GRID2: variants seen among roughly 807,000 people sequenced by gnomAD.
GRID2 encodes the protein glutamate receptor ionotropic, delta-2.
GRID2 carries 33 observed loss-of-function variants against 114.8 expected under a neutral mutation model. The ratio of observed to expected loss-of-function variants is 0.29; its 90% CI spans 0.22 to 0.38. The LOEUF (loss-of-function observed/expected upper bound fraction) is 0.38, where lower values mean the gene tolerates loss of function less well. GRID2 is among the 10% of genes least tolerant of loss of function. GRID2 has a pLI of 1.00. For synonymous variants in GRID2, 505 were observed against 449.9 expected, an observed-to-expected ratio of 1.12 and a Z score of -1.55; for missense variants, 1,184 against 1,257.7, an observed-to-expected ratio of 0.94 and a Z score of 0.89.
chr4:92,567,203 A>G (rs969391314), intron 1 of GRID2, among the ~76,000 whole-genome samples: 2 of 152,006 alleles, frequency 1.3e-5, no homozygotes, highest in Non-Finnish European at 2.9e-5. Flanking sequence ...GACATTAGCA[A>G]GCTTTCTAAT....
chr4:92,974,168 A>G (rs1333623224), intron 2 of GRID2, among the ~76,000 whole-genome samples: 3 of 152,212 alleles, frequency 2.0e-5, no homozygotes, highest in Admixed American at 2.0e-4. Flanking sequence ...AATGGCGATC[A>G]TTAAGAAGTC....
intron 13 of GRID2, among the ~76,000 whole-genome samples, chr4:93,596,972 G>A (rs1739172448): frequency 6.6e-6 from 1 of 152,140 alleles, no homozygotes; most frequent in Non-Finnish European, 1.5e-5. Flanking sequence ...ATGTTCAAGT[G>A]TATGATTTGA....
intron 2 of GRID2, among the ~76,000 whole-genome samples, chr4:92,609,628 T>C (rs1356395832): frequency 7.3e-6 from 1 of 136,334 alleles, no homozygotes; most frequent in East Asian, 2.4e-4. Flanking sequence ...ATATATATTA[T>C]ATATATATAA....
intron 2 of GRID2, among the ~76,000 whole-genome samples, chr4:92,634,837 G>A (rs900633488): frequency 1.8e-4 from 25 of 139,720 alleles, no homozygotes; most frequent in African/African-American, 2.7e-4. Context: ...ATTTTAATTC[G>A]CATGCATTCG....
At chr4:93,311,275 G>A (rs1328329228) in intron 8 of GRID2, among the ~76,000 whole-genome samples, 1 of 152,138 alleles carries the variant, frequency 6.6e-6, no homozygotes, top group African/African-American at 2.4e-5. Context: ...GAAGAGGAAG[G>A]CGGCATGGAA....
intron 11 of GRID2, among the ~76,000 whole-genome samples, chr4:93,483,214 A>G (rs1726047081): frequency 6.6e-6 from 1 of 152,036 alleles, no homozygotes; most frequent in Non-Finnish European, 1.5e-5. Flanking sequence ...ATATTTATTT[A>G]CATTTTAATT....
At chr4:92,741,322 A>G (rs777045139) in intron 2 of GRID2, among the ~76,000 whole-genome samples, 13 of 152,152 alleles carry the variant, frequency 8.5e-5, no homozygotes, top group Admixed American at 2.0e-4. Context: ...GATTCAGATA[A>G]TCGTAATAAT....
chr4:92,609,005 A>C (rs1256715684), intron 2 of GRID2, among the ~76,000 whole-genome samples: 1 of 151,844 alleles, frequency 6.6e-6, no homozygotes, highest in African/African-American at 2.4e-5. Flanking sequence ...AGACATAAAT[A>C]ACATTAATAT....
intron 2 of GRID2, among the ~76,000 whole-genome samples, chr4:92,910,980 A>G (rs1404429385): frequency 1.3e-5 from 2 of 152,068 alleles, no homozygotes; most frequent in African/African-American, 4.8e-5. Context: ...TTGTTATACT[A>G]GTTTCTGATA....
intron 8 of GRID2, among the ~76,000 whole-genome samples, chr4:93,258,653 A>C (rs1749896667): frequency 6.6e-6 from 1 of 151,766 alleles, no homozygotes; most frequent in Non-Finnish European, 1.5e-5. Flanking sequence ...GCTTATCTTG[A>C]CCCAAAATAT....
chr4:93,032,276 A>G (rs1188835725), intron 2 of GRID2, among the ~76,000 whole-genome samples: 1 of 152,174 alleles, frequency 6.6e-6, no homozygotes, highest in Non-Finnish European at 1.5e-5. Context: ...CCAAAGGATG[A>G]TTTTGAGCTG....
chr4:92,635,907 A>G (rs1434118110), intron 2 of GRID2, among the ~76,000 whole-genome samples: 1 of 152,072 alleles, frequency 6.6e-6, no homozygotes, highest in African/African-American at 2.4e-5. Context: ...TTTTGAGTAC[A>G]TCATAGTAGA....
chr4:93,294,187 C>A (rs535169481), intron 8 of GRID2, among the ~76,000 whole-genome samples: 1 of 121,726 alleles, frequency 8.2e-6, no homozygotes, highest in Non-Finnish European at 1.7e-5. Context: ...CAAATCCTTG[C>A]ATTTTCCTTG....
At chr4:92,555,737 A>G (rs1214708528) in intron 1 of GRID2, among the ~76,000 whole-genome samples, 1 of 152,124 alleles carries the variant, frequency 6.6e-6, no homozygotes, top group Non-Finnish European at 1.5e-5. Context: ...GGATGGAGTT[A>G]TCTTCAAATT....
At chr4:92,592,250 T>G (rs151307855) in intron 2 of GRID2, among the ~76,000 whole-genome samples, 1 of 152,198 alleles carries the variant, frequency 6.6e-6, no homozygotes, top group East Asian at 1.9e-4. Flanking sequence ...CTTTATCTTC[T>G]TAGTAACTAC....
At chr4:92,687,880 C>G (rs1560533117) in intron 2 of GRID2, among the ~76,000 whole-genome samples, 1 of 151,586 alleles carries the variant, frequency 6.6e-6, no homozygotes, top group African/African-American at 2.4e-5. Context: ...TGTGAACTTT[C>G]AGTAAGTCAG....
In GRID2 at chr4:92,315,910, C is replaced by T. The variant is rs551009623; in HGVS notation, c.88+11166C>T. On this transcript the variant is annotated intron_variant, in intron 1 of 15. Transcript: ENST00000282020. ...GCTTGAACCCAGGAAGTGGAGGTTG[C>T]AGTGAGCTGAGATCGCACCATTGCA... is the stretch of plus-strand genomic sequence containing the variant. Among the ~76,000 whole-genome samples the T allele has an allele frequency of 2.5e-3, 360 of 142,386 alleles. 2 individuals are homozygous for T. Among genetic ancestry groups the T allele is most frequent in the African/African-American group, 8.6e-3 (325 of 37,692 alleles). 93.4% of individuals were successfully genotyped at this position (142,386 alleles called of 152,430 possible). A position where few individuals can be genotyped will look rare whatever the true frequency, so the allele number is the denominator to read the frequency against.
chr4:92,888,692 T>C (rs1560671668), intron 2 of GRID2, among the ~76,000 whole-genome samples: 1 of 152,088 alleles, frequency 6.6e-6, no homozygotes, highest in African/African-American at 2.4e-5. Context: ...TTTATTAATA[T>C]TCCTATTTCA....
intron 9 of GRID2, among the ~76,000 whole-genome samples, chr4:93,420,023 A>C (rs2149364221): frequency 6.6e-6 from 1 of 152,250 alleles, no homozygotes; most frequent in East Asian, 1.9e-4. Flanking sequence ...TGATTAAATT[A>C]CTGATAAACA....
Sources: allele counts gnomAD v4.1 joint callset (sites outside exome capture counted in the v4.1 genomes callset), GRCh38; gene constraint gnomAD v4.1.1; transcripts MANE v1.5; gene names NCBI Gene and HGNC (gene_info 2026-07-23, HGNC 2026-07-21).